TENM2: variants seen among roughly 807,000 people sequenced by gnomAD.
TENM2 encodes the protein teneurin-2.
A neutral mutation model predicts 245.2 loss-of-function variants in TENM2; 52 were observed. The observed-to-expected ratio is 0.21, with a 90% confidence interval of 0.17 to 0.27. The LOEUF is 0.27. Among genes scored for constraint, TENM2 ranks in the 10% least tolerant of loss-of-function variants. TENM2 has a pLI of 1.00. For synonymous variants in TENM2, 1,363 were observed against 1,438.9 expected (o/e 0.95, Z 1.19); for missense variants, 3,046 against 3,666.8 (o/e 0.83, Z 4.37).
At position 168,007,578 on chromosome 5, in the gene TENM2, G is replaced by A. The variant is rs74522287; in HGVS notation, c.1186+14396G>A. Among the ~76,000 whole-genome samples the A allele has an allele frequency of 6.4e-3, 980 of 152,310 alleles. 5 individuals are homozygous for A. Among genetic ancestry groups the A allele is most frequent in the African/African-American group, 0.015 (624 of 41,556 alleles). On this transcript the variant is annotated intron_variant, in intron 5 of 28. Coordinates refer to ENST00000518659, the Ensembl canonical transcript of TENM2. ...GATCTGAGAAAGGTTAGGGGGCTCA[G>A]TATAGAAGGGCACTCAACATGAGAG...
rs1766660496 is a variant in TENM2, at chr5:168,247,218, T to C, written c.6279T>C (p.Tyr2093=). 1.9e-6 allele frequency: 3 copies of C among 1,613,796 alleles called. No individual in the cohort carries two copies. The highest frequency in any genetic ancestry group is 1.7e-5 in the Admixed American group (1 of 59,996). The change falls in exon 27 of 29, where the codon TAT becomes TAC. Residue 2093 remains tyrosine (Y), a synonymous_variant. Transcript: ENST00000518659. The surrounding 1 kb of genome is among the most constrained non-coding windows in gnomAD (Gnocchi z 7.8). ...TCAATGCCAGGTTTGACTACACCTA[T>C]CATGACAACAGCTTCCGCATCGCAA...
chr5:168,130,551 A>G (rs985690572), intron 12 of TENM2: 1 of 152,202 alleles, frequency 6.6e-6, no homozygotes, highest in Admixed American at 6.5e-5. Context: ...TAATTTTAAA[A>G]TGGGTTGTTG....
chr5:167,956,982 C>A lies in TENM2; in HGVS notation c.947+4160C>A, dbSNP rs147102223. Among the ~76,000 whole-genome samples the A allele has an allele frequency of 7.2e-3, 1,096 of 152,182 alleles. 16 individuals carry two copies. Among genetic ancestry groups the A allele is most frequent in the African/African-American group, 0.025 (1,030 of 41,520 alleles). On this transcript the variant is annotated intron_variant, in intron 4 of 28. Coordinates refer to ENST00000518659, the Ensembl canonical transcript of TENM2. ...GTTTTGCTATCAGGATGATGCTGGC[C>A]TCATAAAATGAGTTAGGGAGGAGTC...
rs117452207 is a variant in TENM2, at chr5:167,467,155, G to A, written c.502+91682G>A. Reference sequence around the variant, plus strand: ...CCAAGTGTTAAGGGAGTAACCTGGAGAGAGGTGATTGGAACATGGGGGTGG... The same window carrying A: ...CCAAGTGTTAAGGGAGTAACCTGGAAAGAGGTGATTGGAACATGGGGGTGG... On this transcript the variant is annotated intron_variant, in intron 2 of 28. Transcript: ENST00000518659. Among the ~76,000 whole-genome samples the A allele has an allele frequency of 2.9e-3, 449 of 152,276 alleles. 19 individuals carry two copies. In the South Asian group the frequency reaches 0.08, roughly 27 times the overall value.
chr5:167,325,053 A>G (rs978175496), intron 1 of TENM2, among the ~76,000 whole-genome samples: 1 of 152,008 alleles, frequency 6.6e-6, no homozygotes, highest in Admixed American at 6.6e-5. Flanking sequence ...TTCCCCTTCC[A>G]CCTCTGATCC....
chr5:167,766,425 A>C (rs2150739348), intron 2 of TENM2, among the ~76,000 whole-genome samples: 1 of 152,342 alleles, frequency 6.6e-6, no homozygotes, highest in South Asian at 2.1e-4. Context: ...TTTTATCAAA[A>C]GTGCAATTAG....
the TENM2 span, among the ~76,000 whole-genome samples, chr5:167,258,693 A>G: frequency 6.6e-6 from 1 of 152,102 alleles, no homozygotes; most frequent in Non-Finnish European, 1.5e-5. Flanking sequence ...ATTTATAATA[A>G]CAAGCAAAGA....
intron 12 of TENM2, among the ~76,000 whole-genome samples, chr5:168,154,900 G>A (rs529884354): frequency 6.6e-6 from 1 of 152,308 alleles, no homozygotes; most frequent in South Asian, 2.1e-4. Flanking sequence ...AAACAAAGAG[G>A]AACATCTGCC....
At chr5:167,476,177 A>T (rs1192604447) in intron 2 of TENM2, among the ~76,000 whole-genome samples, 1 of 152,198 alleles carries the variant, frequency 6.6e-6, no homozygotes, top group African/African-American at 2.4e-5. Flanking sequence ...TCAGGTGATT[A>T]TGGATATTCT....
At chr5:167,056,250 T>C in the TENM2 span, among the ~76,000 whole-genome samples, 3 of 151,798 alleles carry the variant, frequency 2.0e-5, no homozygotes, top group East Asian at 5.8e-4. Flanking sequence ...GCAGTTATAC[T>C]GGCAACAAAT....
the TENM2 span, among the ~76,000 whole-genome samples, chr5:167,037,747 AT>A: frequency 6.8e-3 from 1,030 of 152,278 alleles, 12 homozygotes; most frequent in African/African-American, 0.023. Flanking sequence ...GGAAAGTGAC[AT>A]TTCTTGGAAA....
the TENM2 span, among the ~76,000 whole-genome samples, chr5:167,257,812 G>A: frequency 6.6e-6 from 1 of 152,090 alleles, no homozygotes; most frequent in Non-Finnish European, 1.5e-5. Context: ...AAAGAATGTA[G>A]TGATTAAAAT....
At chr5:167,736,054 A>G (rs1341842107) in intron 2 of TENM2, among the ~76,000 whole-genome samples, 2 of 152,226 alleles carry the variant, frequency 1.3e-5, no homozygotes, top group South Asian at 2.1e-4. Context: ...TTATAAAGGA[A>G]AGAAGTTTAA....
At chr5:168,104,045 T>C (rs1486670624) in intron 9 of TENM2, among the ~76,000 whole-genome samples, 1 of 151,150 alleles carries the variant, frequency 6.6e-6, no homozygotes, top group African/African-American at 2.4e-5. Flanking sequence ...TGTTTGTTTT[T>C]TGAGACAGAG....
chr5:167,579,140 C>T (rs973010032), intron 2 of TENM2, among the ~76,000 whole-genome samples: 1 of 152,172 alleles, frequency 6.6e-6, no homozygotes, highest in African/African-American at 2.4e-5. Context: ...CTGCCCATGA[C>T]ATTCACACTT....
intron 2 of TENM2, among the ~76,000 whole-genome samples, chr5:167,665,899 G>A (rs959222925): frequency 7.2e-5 from 11 of 151,896 alleles, no homozygotes; most frequent in Non-Finnish European, 1.3e-4. Flanking sequence ...ATCAAAAATC[G>A]CCAACATCAT....
At chr5:166,983,625 T>C in the TENM2 span, among the ~76,000 whole-genome samples, 1 of 152,130 alleles carries the variant, frequency 6.6e-6, no homozygotes, top group Non-Finnish European at 1.5e-5. Flanking sequence ...AATTGATCTT[T>C]GATGGAACAA....
intron 2 of TENM2, among the ~76,000 whole-genome samples, chr5:167,431,961 G>GTATATATATGTGTA (rs1764270064): frequency 1.8e-4 from 8 of 43,566 alleles, no homozygotes; most frequent in Admixed American, 3.5e-4. Context: ...ATATATATAT[G>GTATATATATGTGTA]TATATATATA....
chr5:167,199,935 G>A, the TENM2 span, among the ~76,000 whole-genome samples: 1 of 151,294 alleles, frequency 6.6e-6, no homozygotes, highest in Non-Finnish European at 1.5e-5. Flanking sequence ...TAAGGCATAA[G>A]TTTCTTTTCT....
Sources: gnomAD v4.1 joint callset for allele counts (sites outside exome capture counted in the v4.1 genomes callset) on GRCh38, gnomAD v4.1.1 for gene constraint, Gnocchi (gnomAD v3.1) non-coding constraint, MANE v1.5 for transcripts, NCBI Gene and HGNC (gene_info 2026-07-23, HGNC 2026-07-21) for gene names.